Variants in CRADD observed in about 807,000 individuals in gnomAD.
The protein encoded by CRADD is death domain-containing protein CRADD.
A neutral mutation model predicts 15.5 loss-of-function variants in CRADD; 9 were observed. The ratio of observed to expected loss-of-function variants is 0.58; its 90% CI spans 0.35 to 1.01. CRADD has a LOEUF of 1.01. Among genes scored for constraint, CRADD ranks in the 50% least tolerant of loss-of-function variants. The pLI, the probability that CRADD is intolerant of heterozygous loss-of-function variation, is 0.02. For synonymous variants in CRADD, 118 were observed against 107.6 expected (o/e 1.10, Z -0.60); for missense variants, 227 against 250.3 (o/e 0.91, Z 0.63).
chr12:93,796,883 C>T (rs1020249448), intron 2 of CRADD, among the ~76,000 whole-genome samples: 5 of 152,182 alleles, frequency 3.3e-5, no homozygotes, highest in East Asian at 1.9e-4. Context: ...CAGTGTCTCA[C>T]GTGCTCACGT....
chr12:93,810,152 G>C (rs1957605038), intron 2 of CRADD, among the ~76,000 whole-genome samples: 1 of 152,114 alleles, frequency 6.6e-6, no homozygotes, highest in Non-Finnish European at 1.5e-5. Context: ...ACTTTCTCTT[G>C]AAGTAGGACA....
At chr12:93,810,002 AT>A (rs1319471731) in intron 2 of CRADD, among the ~76,000 whole-genome samples, 1 of 152,162 alleles carries the variant, frequency 6.6e-6, no homozygotes, top group East Asian at 1.9e-4. Flanking sequence ...CTTTTAAAGA[AT>A]TTACCATCAG....
chr12:93,837,729 A>G (rs1957990968), intron 2 of CRADD: 1 of 152,250 alleles, frequency 6.6e-6, no homozygotes, highest in South Asian at 2.1e-4. Flanking sequence ...TGAAAATAAC[A>G]AAATCACTTC....
intron 2 of CRADD, among the ~76,000 whole-genome samples, chr12:93,799,387 A>G (rs1404845643): frequency 1.3e-5 from 2 of 152,200 alleles, no homozygotes; most frequent in Admixed American, 6.5e-5. Context: ...ACACATGTAA[A>G]TAGAAATGCA....
chr12:93,819,728 G>T (rs1461747437), intron 2 of CRADD, among the ~76,000 whole-genome samples: 1 of 152,230 alleles, frequency 6.6e-6, no homozygotes, highest in Non-Finnish European at 1.5e-5. Context: ...GCGTAAGAGG[G>T]CAGGGAGCTG....
intron 2 of CRADD, among the ~76,000 whole-genome samples, chr12:93,844,013 C>T (rs1021513722): frequency 3.6e-4 from 55 of 152,184 alleles, no homozygotes; most frequent in African/African-American, 1.3e-3. Context: ...TGAGCCACCG[C>T]ACCTGGCCCT....
intron 2 of CRADD, among the ~76,000 whole-genome samples, chr12:93,879,546 C>G (rs1958480280): frequency 6.6e-6 from 1 of 152,178 alleles, no homozygotes; most frequent in African/African-American, 2.4e-5. Context: ...AACTGTAACA[C>G]ATGTGTTTTA....
intron 2 of CRADD, among the ~76,000 whole-genome samples, chr12:93,702,059 C>G (rs577116656): frequency 1.3e-5 from 2 of 152,212 alleles, no homozygotes; most frequent in South Asian, 4.1e-4. Flanking sequence ...CTAGCTCCCT[C>G]TCACCATCGA....
chr12:93,786,026 T>A (rs377715160), intron 2 of CRADD, among the ~76,000 whole-genome samples: 11 of 152,244 alleles, frequency 7.2e-5, no homozygotes, highest in African/African-American at 2.6e-4. Flanking sequence ...CAGCAGGGAA[T>A]AGCAAAGGTC....
At chr12:93,880,575 A>C (rs1958490983) in intron 2 of CRADD, among the ~76,000 whole-genome samples, 1 of 152,180 alleles carries the variant, frequency 6.6e-6, no homozygotes, top group Non-Finnish European at 1.5e-5. Flanking sequence ...GTGACTTTTA[A>C]AAATATGGTT....
At chr12:93,872,157 G>A (rs1218523036) in intron 2 of CRADD, among the ~76,000 whole-genome samples, 2 of 152,154 alleles carry the variant, frequency 1.3e-5, no homozygotes, top group African/African-American at 4.8e-5. Flanking sequence ...TTTCTCTGAT[G>A]ATCAATAATG....
intron 2 of CRADD, among the ~76,000 whole-genome samples, chr12:93,737,373 G>A (rs1413047011): frequency 1.3e-5 from 2 of 152,214 alleles, no homozygotes; most frequent in Non-Finnish European, 1.5e-5. Flanking sequence ...TAAAGGCAGA[G>A]TCATATACTG....
At chr12:93,731,144 G>A (rs182895082) in intron 2 of CRADD, among the ~76,000 whole-genome samples, 108 of 152,224 alleles carry the variant, frequency 7.1e-4, no homozygotes, top group Non-Finnish European at 1.0e-3. Context: ...AAAAGTCTGG[G>A]GAGGCTGTGA....
At position 93,691,868 on chromosome 12, in the gene CRADD, T is replaced by A. The variant is rs567823309; in HGVS notation, c.298+12796T>A. Among the ~76,000 whole-genome samples the A allele has an allele frequency of 3.9e-5, 6 of 152,176 alleles. No individual in the cohort carries two copies. In the East Asian group the frequency reaches 7.8e-4, roughly 20 times the overall value. On this transcript the variant is annotated intron_variant, in intron 2 of 2. Transcript: ENST00000332896. ...AGTAATAAATGACCAAAATGAGAAA[T>A]TTTGAAATTATTTAAAAAAATCAAA...
intron 2 of CRADD, among the ~76,000 whole-genome samples, chr12:93,757,551 C>T (rs1428126277): frequency 1.3e-5 from 2 of 152,340 alleles, no homozygotes; most frequent in South Asian, 2.1e-4. Context: ...GCTCATCAGA[C>T]ATGTGGCTTC....
At chr12:93,686,115 C>T (rs1004173169) in intron 2 of CRADD, among the ~76,000 whole-genome samples, 2 of 151,730 alleles carry the variant, frequency 1.3e-5, no homozygotes, top group Non-Finnish European at 2.9e-5. Context: ...GCCTGGCCAA[C>T]ATGGTGAAAC....
At chr12:93,851,010 G>A (rs189018514), downstream of CRADD, among the ~76,000 whole-genome samples, 1 of 152,132 alleles carries the variant, frequency 6.6e-6, no homozygotes, top group Non-Finnish European at 1.5e-5. Flanking sequence ...AAGATCGCTC[G>A]AGAAAATCCT....
Position 93,770,138 on chromosome 12 carries a change from C to T in CRADD, c.299-79832C>T, listed in dbSNP as rs558836975. Reference sequence around the variant, plus strand: ...TGAGACGGAGTCTCGCTCTGTGGCCCAGGTGGGAGTGCAGTGGCGCAATCT... The same window carrying T: ...TGAGACGGAGTCTCGCTCTGTGGCCTAGGTGGGAGTGCAGTGGCGCAATCT... On this transcript the variant is annotated intron_variant, in intron 2 of 2. Coordinates refer to ENST00000332896, the MANE Select transcript of CRADD (RefSeq NM_003805.5). 1.7e-3 allele frequency among the ~76,000 whole-genome samples: 242 copies of T among 145,536 alleles called. 5 individuals are homozygous for T. The highest frequency in any genetic ancestry group is 6.5e-3 in the South Asian group (28 of 4,300).
At chr12:93,779,433 A>G (rs1957175157) in intron 2 of CRADD, among the ~76,000 whole-genome samples, 1 of 152,144 alleles carries the variant, frequency 6.6e-6, no homozygotes, top group Admixed American at 6.5e-5. Context: ...ATTTCAAAGG[A>G]AAAAAACATA....
Sources: gnomAD v4.1 joint callset for allele counts (sites outside exome capture counted in the v4.1 genomes callset) on GRCh38, gnomAD v4.1.1 for gene constraint, MANE v1.5 for transcripts, NCBI Gene and HGNC (gene_info 2026-07-23, HGNC 2026-07-21) for gene names.